Variants in PCP4 observed in about 807,000 individuals in gnomAD.
The protein encoded by PCP4 is Purkinje cell protein 4, also known as calmodulin regulator protein PCP4.
A neutral mutation model predicts 10.0 loss-of-function variants in PCP4; 8 were observed. The observed-to-expected ratio is 0.80, with a 90% CI of 0.47 to 1.45. The LOEUF is 1.45. Ranked by LOEUF, PCP4 falls within the 40% of genes most tolerant of loss-of-function variation. PCP4 has a pLI of 0.00. For missense variants in PCP4, 54 were observed against 74.4 expected (o/e 0.73, Z 1.01); for synonymous variants, 21 against 23.0 (o/e 0.91, Z 0.24).
chr21:39,903,684 C>T (rs368743481), intron 2 of PCP4, among the ~76,000 whole-genome samples: 4 of 151,246 alleles, frequency 2.6e-5, no homozygotes, highest in South Asian at 2.1e-4. Flanking sequence ...CTGGCTAACA[C>T]GGTGAAACCC....
chr21:39,929,101 C>G lies in PCP4; in HGVS notation c.179C>G (p.Ser60Cys), dbSNP rs1393064147. ...AAATTCCAGAAGAAGAAGGCTGGGT[C>G]TCAGTCCTAGTGGGAGAACCCCCTC... Reference protein sequence around the residue: ...FRKFQKKKAGSQS With the variant: ...FRKFQKKKAGCQS Residue 60 changes from serine (S) to cysteine (C), a missense_variant, in exon 3 of 3, where the codon TCT (serine) becomes TGT (cysteine). By Grantham distance (112) the Ser-to-Cys change is moderately radical. Transcript: ENST00000328619. 7 of 1,613,526 alleles carry G rather than the reference C, an allele frequency of 4.3e-6. No individual in the cohort carries two copies. The African/African-American group carries it at 6.7e-5, about 15-fold the overall frequency.
In PCP4 at chr21:39,927,369, C is replaced by CATCT. The variant is rs71186907; in HGVS notation, c.62-1595_62-1592dup. 4.9e-4 allele frequency among the ~76,000 whole-genome samples: 32 copies of CATCT among 65,146 alleles called. No homozygotes were observed. The East Asian group carries it at 7.7e-3, about 16-fold the overall frequency. 42.7% of individuals were successfully genotyped at this position (65,146 alleles called of 152,430 possible). A position where few individuals can be genotyped will look rare whatever the true frequency, so the allele number is the denominator to read the frequency against. On this transcript the variant is annotated intron_variant, in intron 2 of 2. Transcript: ENST00000328619. ...TCTATCTATCTATCTATCTATCTATCATCTATCTATCTATCTATCTATCAT... is the reference window on the plus strand; with the variant it reads ...TCTATCTATCTATCTATCTATCTATCATCTATCTATCTATCTATCTATCTATCAT...
At chr21:39,909,209 A>C (rs1016625755) in intron 2 of PCP4, among the ~76,000 whole-genome samples, 5 of 152,210 alleles carry the variant, frequency 3.3e-5, no homozygotes, top group Non-Finnish European at 7.3e-5. Flanking sequence ...TATTACAGTT[A>C]TTATAATGAC....
intron 2 of PCP4, among the ~76,000 whole-genome samples, chr21:39,924,064 C>T (rs546296973): frequency 1.3e-5 from 2 of 152,168 alleles, no homozygotes; most frequent in African/African-American, 4.8e-5. Flanking sequence ...GATGGCCATG[C>T]GGGCGGCCAT....
At chr21:39,903,825 G>A (rs545366442) in intron 2 of PCP4, among the ~76,000 whole-genome samples, 1 of 139,604 alleles carries the variant, frequency 7.2e-6, no homozygotes, top group African/African-American at 2.7e-5. Context: ...CCGAGATTGT[G>A]CCACTGCAAT....
At chr21:39,910,926 G>A (rs1286898971) in intron 2 of PCP4, among the ~76,000 whole-genome samples, 2 of 152,200 alleles carry the variant, frequency 1.3e-5, no homozygotes, top group African/African-American at 4.8e-5. Context: ...TTACTCATTT[G>A]TTCCTGGTTC....
intron 2 of PCP4, among the ~76,000 whole-genome samples, chr21:39,905,571 C>T (rs2087502913): frequency 6.6e-6 from 1 of 152,154 alleles, no homozygotes; most frequent in Admixed American, 6.5e-5. Flanking sequence ...AGAAGAGTGA[C>T]TTTTTGTTTG....
intron 1 of PCP4, among the ~76,000 whole-genome samples, chr21:39,878,998 T>A (rs547834131): frequency 1.3e-5 from 2 of 152,082 alleles, no homozygotes; most frequent in South Asian, 4.2e-4. Context: ...TTTTTCTTTT[T>A]TTTTTTTTGA....
chr21:39,889,889 G>A (rs924744818), intron 1 of PCP4, among the ~76,000 whole-genome samples: 16 of 152,150 alleles, frequency 1.1e-4, no homozygotes, highest in Middle Eastern at 3.2e-3. Flanking sequence ...CTTTTAATGG[G>A]AACTTGTATT....
At chr21:39,872,823 T>G (rs2087326689) in intron 1 of PCP4, among the ~76,000 whole-genome samples, 1 of 152,160 alleles carries the variant, frequency 6.6e-6, no homozygotes, top group African/African-American at 2.4e-5. Flanking sequence ...TTGGGATACA[T>G]TTGGGAAAGT....
intron 2 of PCP4, among the ~76,000 whole-genome samples, chr21:39,905,715 T>C (rs2087503741): frequency 6.6e-6 from 1 of 152,142 alleles, no homozygotes; most frequent in African/African-American, 2.4e-5. Flanking sequence ...TTCCTACCCA[T>C]CTCTAGCTGC....
At chr21:39,927,347 ATC>A (rs1292144477) in intron 2 of PCP4, among the ~76,000 whole-genome samples, 4 of 84,768 alleles carry the variant, frequency 4.7e-5, no homozygotes, top group African/African-American at 1.4e-4. Context: ...CTGTCTATCT[ATC>A]TATCTATCTA....
At chr21:39,909,246 T>C (rs1162262635) in intron 2 of PCP4, among the ~76,000 whole-genome samples, 1 of 152,234 alleles carries the variant, frequency 6.6e-6, no homozygotes, top group Admixed American at 6.5e-5. Flanking sequence ...TATGGCATAT[T>C]GATCTGTTCT....
At chr21:39,925,956 G>C (rs781506822) in intron 2 of PCP4, 22 of 450,636 alleles carry the variant, frequency 4.9e-5, no homozygotes, top group Non-Finnish European at 8.9e-5. Context: ...GGGGTATTTA[G>C]AACTGTACTT....
At chr21:39,868,650 G>T (rs1601168333) in intron 1 of PCP4, among the ~76,000 whole-genome samples, 1 of 152,176 alleles carries the variant, frequency 6.6e-6, no homozygotes, top group Non-Finnish European at 1.5e-5. Flanking sequence ...GGCTGTCTCT[G>T]CATCTGTCAC....
Position 39,898,310 on chromosome 21 carries a change from T to C in PCP4, c.10-166T>C, listed in dbSNP as rs1277907320. On this transcript the variant is annotated intron_variant, in intron 1 of 2. Transcript: ENST00000328619. ...TGTGCAGCTTCAGTACATCCTTTCT[T>C]GGTGGATCCATTCCTACTCTCACTA... 4.1e-6 allele frequency: 3 copies of C among 723,308 alleles called. No homozygotes were observed. In the South Asian group the frequency reaches 4.4e-5, roughly 10 times the overall value. The allele number at this position is 723,308 out of a possible 1,614,324, so 44.8% of individuals were successfully genotyped here.
intron 1 of PCP4, among the ~76,000 whole-genome samples, chr21:39,892,162 A>T (rs763854012): frequency 2.1e-4 from 32 of 152,222 alleles, no homozygotes; most frequent in Non-Finnish European, 4.6e-4. Flanking sequence ...TGCGGGCGTG[A>T]CAGAGGGCTC....
chr21:39,869,691 C>A (rs1169836203), intron 1 of PCP4, among the ~76,000 whole-genome samples: 1 of 152,204 alleles, frequency 6.6e-6, no homozygotes, highest in Admixed American at 6.5e-5. Flanking sequence ...TTTGACTAAA[C>A]CTCAAATCTG....
chr21:39,923,403 A>T (rs2087606239), intron 2 of PCP4, among the ~76,000 whole-genome samples: 1 of 152,166 alleles, frequency 6.6e-6, no homozygotes, highest in African/African-American at 2.4e-5. Context: ...TTGACTGAAA[A>T]TGGGCTGCTG....
Sources: allele counts gnomAD v4.1 joint callset (sites outside exome capture counted in the v4.1 genomes callset), GRCh38; gene constraint gnomAD v4.1.1; transcripts MANE v1.5; gene names NCBI Gene and HGNC (gene_info 2026-07-23, HGNC 2026-07-21).